The following PDE8B variants were observed in gnomAD, a reference collection of about 807,000 sequenced individuals.
PDE8B encodes high affinity cAMP-specific and IBMX-insensitive 3',5'-cyclic phosphodiesterase 8B.
A neutral mutation model predicts 101.3 loss-of-function variants in PDE8B; 26 were observed. That is an observed-to-expected ratio of 0.26 (90% CI 0.19 to 0.36). The LOEUF is 0.36. PDE8B is among the 10% of genes least tolerant of loss of function. PDE8B has a pLI of 1.00. For missense variants in PDE8B, 810 were observed against 1,163.1 expected, an observed-to-expected ratio of 0.70 and a Z score of 4.42; for synonymous variants, 424 against 429.3, an observed-to-expected ratio of 0.99 and a Z score of 0.15.
At position 77,211,298 on chromosome 5, in the gene PDE8B, C is replaced by G. The variant is rs1561350516; in HGVS notation, c.339+34C>G. The G allele has an allele frequency of 7.3e-6, 11 of 1,516,196 alleles. No individual in the cohort carries two copies. Among genetic ancestry groups the G allele is most frequent in the Non-Finnish European group, 9.7e-6 (11 of 1,138,216 alleles). 93.9% of individuals were successfully genotyped at this position (1,516,196 alleles called of 1,614,324 possible). On this transcript the variant is annotated intron_variant, in intron 1 of 21. Transcript: ENST00000264917. The surrounding 1 kb of genome is among the most constrained non-coding windows in gnomAD (Gnocchi z 4.1). ...CCCGCGCTGGCACACGCCGTGGGGG[C>G]CGTCCGCCCCGTCGGCGGGGCTCGC... is the stretch of plus-strand genomic sequence containing the variant.
intron 1 of PDE8B, among the ~76,000 whole-genome samples, chr5:77,234,430 G>A (rs1028896341): frequency 2.6e-5 from 4 of 152,142 alleles, no homozygotes; most frequent in Admixed American, 1.3e-4. Context: ...TCCTCCCCTC[G>A]TTAATATCCT....
intron 10 of PDE8B, among the ~76,000 whole-genome samples, chr5:77,398,047 CTT>C (rs1035207860): frequency 3.3e-5 from 5 of 152,022 alleles, no homozygotes; most frequent in African/African-American, 7.2e-5. Flanking sequence ...AAAGAGGAGT[CTT>C]TGATGCCGTC....
At chr5:77,312,973 C>T (rs1479598) in intron 2 of PDE8B, among the ~76,000 whole-genome samples, 126,703 of 152,190 alleles carry the variant, frequency 0.83, 53,195 homozygotes, top group East Asian at 0.97. Flanking sequence ...TCCAGGTTCC[C>T]GTGCCCCCTT....
At chr5:77,422,925 AT>A (rs1796991070) in intron 20 of PDE8B, among the ~76,000 whole-genome samples, 1 of 152,168 alleles carries the variant, frequency 6.6e-6, no homozygotes, top group Non-Finnish European at 1.5e-5. Context: ...AAAAGGGTAT[AT>A]TGCTGATGCT....
intron 2 of PDE8B, among the ~76,000 whole-genome samples, chr5:77,324,146 G>A (rs1397348373): frequency 1.3e-5 from 2 of 152,084 alleles, no homozygotes; most frequent in Admixed American, 6.6e-5. Context: ...TAAACCAGAC[G>A]TGGGTGCAGA....
the PDE8B span, among the ~76,000 whole-genome samples, chr5:77,181,079 C>T: frequency 6.8e-6 from 1 of 146,912 alleles, no homozygotes; most frequent in Non-Finnish European, 1.5e-5. Flanking sequence ...CTACCCCTAC[C>T]CCAACCCCCA....
the PDE8B span, among the ~76,000 whole-genome samples, chr5:77,176,658 C>A: frequency 1.3e-5 from 2 of 152,084 alleles, no homozygotes; most frequent in Non-Finnish European, 2.9e-5. Flanking sequence ...AAGGGACAGA[C>A]AGAGAGCAGT....
At chr5:77,103,851 G>A in the PDE8B span, among the ~76,000 whole-genome samples, 2 of 152,156 alleles carry the variant, frequency 1.3e-5, no homozygotes, top group Non-Finnish European at 2.9e-5. Context: ...CTGTAAGCTG[G>A]CATAACAGAA....
At chr5:77,097,730 T>TATAC in the PDE8B span, among the ~76,000 whole-genome samples, 20 of 64,768 alleles carry the variant, frequency 3.1e-4, no homozygotes, top group South Asian at 2.8e-3. Context: ...TATATATATA[T>TATAC]ATACATACAT....
intron 17 of PDE8B, among the ~76,000 whole-genome samples, chr5:77,417,579 G>A (rs1042122973): frequency 5.3e-5 from 8 of 152,110 alleles, no homozygotes; most frequent in African/African-American, 9.7e-5. Context: ...TTGTATCCCC[G>A]GATGCTCTGG....
chr5:77,123,269 G>A, the PDE8B span, among the ~76,000 whole-genome samples: 21,182 of 151,872 alleles, frequency 0.14, 1,844 homozygotes, highest in East Asian at 0.35. Context: ...AGCTCCTCAC[G>A]AAGCCACTCA....
At chr5:77,123,356 T>TCCCTC in the PDE8B span, among the ~76,000 whole-genome samples, 2 of 145,842 alleles carry the variant, frequency 1.4e-5, no homozygotes, top group Non-Finnish European at 3.0e-5. Context: ...GTTGAATTCC[T>TCCCTC]CCCCCACCGC....
chr5:77,404,247 A>G (rs1792937022), intron 11 of PDE8B, among the ~76,000 whole-genome samples: 1 of 152,014 alleles, frequency 6.6e-6, no homozygotes, highest in Non-Finnish European at 1.5e-5. Context: ...CAGCCTCCCA[A>G]AGTGCTGGAC....
At chr5:77,090,846 G>A in the PDE8B span, among the ~76,000 whole-genome samples, 7 of 151,846 alleles carry the variant, frequency 4.6e-5, no homozygotes, top group Non-Finnish European at 2.9e-5. Flanking sequence ...ATATCTTTTG[G>A]CTTCTGTAAA....
chr5:77,363,771 A>C (rs1418104766), intron 10 of PDE8B, among the ~76,000 whole-genome samples: 1 of 151,790 alleles, frequency 6.6e-6, no homozygotes, highest in Non-Finnish European at 1.5e-5. Flanking sequence ...AAAAGTGAAA[A>C]GGCAACGAAA....
At chr5:77,390,052 CTATG>C (rs1789583823) in intron 10 of PDE8B, among the ~76,000 whole-genome samples, 1 of 152,200 alleles carries the variant, frequency 6.6e-6, no homozygotes. Flanking sequence ...CTCCCTCCAA[CTATG>C]TATGAGAGTT....
At chr5:77,242,640 T>G (rs1296556170) in intron 1 of PDE8B, among the ~76,000 whole-genome samples, 2 of 152,204 alleles carry the variant, frequency 1.3e-5, no homozygotes, top group Non-Finnish European at 2.9e-5. Context: ...TATCAAAATG[T>G]CAGTCAAATT....
At chr5:77,111,945 A>C in the PDE8B span, 2 of 152,094 alleles carry the variant, frequency 1.3e-5, no homozygotes, top group Admixed American at 6.5e-5. Flanking sequence ...CAGATTGTTC[A>C]TCTCCTGTAA....
At chr5:77,143,292 G>T in the PDE8B span, among the ~76,000 whole-genome samples, 1 of 152,154 alleles carries the variant, frequency 6.6e-6, no homozygotes, top group Non-Finnish European at 1.5e-5. Flanking sequence ...GCTCTTGTTT[G>T]CTAGGCTCAG....
Sources: allele counts gnomAD v4.1 joint callset (sites outside exome capture counted in the v4.1 genomes callset), GRCh38; gene constraint gnomAD v4.1.1; non-coding constraint Gnocchi (gnomAD v3.1); transcripts MANE v1.5; gene names NCBI Gene and HGNC (gene_info 2026-07-23, HGNC 2026-07-21).